Variants in CPED1 observed in about 807,000 individuals in gnomAD.
CPED1 encodes cadherin like and PC-esterase domain containing 1, also known as cadherin-like and PC-esterase domain-containing protein 1.
Under a neutral mutation model 128.2 loss-of-function variants are expected in CPED1, and 114 were observed. The ratio of observed to expected loss-of-function variants is 0.89; its 90% CI spans 0.76 to 1.04. The LOEUF (loss-of-function observed/expected upper bound fraction) is 1.04, where lower values mean the gene tolerates loss of function less well. Ranked by LOEUF, CPED1 falls within the 50% of genes least tolerant of loss-of-function variation. The pLI is 0.00. For missense variants in CPED1, 1,211 were observed against 1,207.1 expected (o/e 1.00, Z -0.05); for synonymous variants, 462 against 426.7 (o/e 1.08, Z -1.02).
chr7:121,045,629 GA>G (rs199549058), intron 3 of CPED1, among the ~76,000 whole-genome samples: 1,732 of 152,272 alleles, frequency 0.011, 26 homozygotes, highest in Middle Eastern at 0.034. Flanking sequence ...TAGCCTTTTA[GA>G]AGCTACTAGA....
At chr7:121,173,055 G>T (rs1286435511) in intron 16 of CPED1, among the ~76,000 whole-genome samples, 1 of 152,100 alleles carries the variant, frequency 6.6e-6, no homozygotes, top group African/African-American at 2.4e-5. Context: ...GACCATTTTT[G>T]TTGGGCAGCT....
chr7:121,190,432 G>C (rs1222355506), intron 16 of CPED1, among the ~76,000 whole-genome samples: 2 of 150,510 alleles, frequency 1.3e-5, no homozygotes, highest in African/African-American at 4.9e-5. Flanking sequence ...TATTGGACAG[G>C]GGTCAGGAGG....
intron 5 of CPED1, among the ~76,000 whole-genome samples, chr7:121,087,165 T>C (rs1794444074): frequency 6.6e-6 from 1 of 152,192 alleles, no homozygotes; most frequent in South Asian, 2.1e-4. Context: ...TAATATAGTT[T>C]TTTTTCTTTG....
At chr7:121,227,429 C>T (rs909312715) in intron 16 of CPED1, among the ~76,000 whole-genome samples, 5 of 152,030 alleles carry the variant, frequency 3.3e-5, no homozygotes, top group Non-Finnish European at 7.4e-5. Flanking sequence ...CAAAAACAGC[C>T]TTGGTGTGAC....
intron 22 of CPED1, 37 bp from the exon 23 acceptor site, chr7:121,295,403 G>A: frequency 6.3e-7 from 1 of 1,577,772 alleles, no homozygotes; most frequent in Non-Finnish European, 8.6e-7. Context: ...GGATATTCTT[G>A]ATTTTGCCTC....
intron 22 of CPED1, among the ~76,000 whole-genome samples, chr7:121,289,434 A>T (rs1338821590): frequency 2.6e-5 from 4 of 152,302 alleles, no homozygotes; most frequent in African/African-American, 9.6e-5. Context: ...TCCTCTACCA[A>T]AAGGTCACTA....
chr7:121,236,842 C>T lies in CPED1; in HGVS notation c.2173+11C>T, dbSNP rs1181237644. 3.7e-6 allele frequency: 5 copies of T among 1,338,404 alleles called. No individual in the cohort carries two copies. The allele number at this position is 1,338,404 out of a possible 1,614,324, so 82.9% of individuals were successfully genotyped here. On this transcript the variant is annotated intron_variant, in intron 17 of 22. Coordinates refer to ENST00000310396, the MANE Select transcript of CPED1 (RefSeq NM_024913.5). Reference sequence around the variant, plus strand: ...CTGGGGACATGAAAGGTGACTATCACATTGGATATCACTTCTCTAAAAAAA... The same window carrying T: ...CTGGGGACATGAAAGGTGACTATCATATTGGATATCACTTCTCTAAAAAAA...
At chr7:121,180,521 A>G (rs538749508) in intron 16 of CPED1, among the ~76,000 whole-genome samples, 5 of 152,106 alleles carry the variant, frequency 3.3e-5, no homozygotes, top group African/African-American at 1.2e-4. Context: ...ATTCATGACA[A>G]AATCTAGAAT....
At chr7:121,206,710 T>C (rs1394769806) in intron 16 of CPED1, among the ~76,000 whole-genome samples, 3 of 151,970 alleles carry the variant, frequency 2.0e-5, no homozygotes, top group Non-Finnish European at 4.4e-5. Flanking sequence ...TCTAGATCAG[T>C]ACATACTAAT....
chr7:121,261,571 G>A (rs1460748962), intron 18 of CPED1: 2 of 1,571,466 alleles, frequency 1.3e-6, no homozygotes, highest in African/African-American at 1.4e-5. Context: ...CAGGAATGAT[G>A]TGACCAGCTT....
chr7:121,126,289 T>G (rs1795502430), intron 9 of CPED1, among the ~76,000 whole-genome samples: 1 of 152,278 alleles, frequency 6.6e-6, no homozygotes, highest in African/African-American at 2.4e-5. Flanking sequence ...TAAAATTGGT[T>G]TATATTTAGT....
chr7:121,266,348 G>A lies in CPED1; in HGVS notation c.2432G>A (p.Gly811Asp). 1 of 1,613,114 alleles carries A rather than the reference G, an allele frequency of 6.2e-7. No individual in the cohort carries two copies. The highest frequency in any genetic ancestry group is 8.5e-7 in the Non-Finnish European group (1 of 1,179,352). ...ACTAAATTCTATCACAACGTCAATG[G>A]TGGGAAGACTTTGATCAGTTATTCC... ...HGTKFYHNVN[G>D]GKTLISYSYY... Residue 811 changes from glycine (G) to aspartate (D), a missense_variant, in exon 19 of 23, where the codon GGT becomes GAT. Coordinates refer to ENST00000310396, the MANE Select transcript of CPED1 (RefSeq NM_024913.5).
chr7:121,294,806 C>CAAAAAAAAA (rs752742828), intron 22 of CPED1, among the ~76,000 whole-genome samples: 1 of 61,414 alleles, frequency 1.6e-5, no homozygotes, highest in East Asian at 4.6e-4. Context: ...GCCTTCTAAG[C>CAAAAAAAAA]AAAAAAAAAA....
chr7:121,109,070 G>A (rs1795047239), intron 7 of CPED1, among the ~76,000 whole-genome samples: 2 of 152,018 alleles, frequency 1.3e-5, no homozygotes, highest in African/African-American at 4.8e-5. Context: ...TACAACCTGA[G>A]CCTCAAATCT....
intron 3 of CPED1, among the ~76,000 whole-genome samples, chr7:121,020,299 T>C (rs1357691050): frequency 6.6e-6 from 1 of 152,012 alleles, no homozygotes. Flanking sequence ...GCTGGCAAAC[T>C]ATAGTCCACT....
intron 16 of CPED1, among the ~76,000 whole-genome samples, chr7:121,192,096 T>C (rs908080011): frequency 1.3e-5 from 2 of 152,104 alleles, no homozygotes; most frequent in Non-Finnish European, 2.9e-5. Context: ...GCTTTGCCAT[T>C]ATATTTGAAT....
intron 16 of CPED1, among the ~76,000 whole-genome samples, chr7:121,225,224 C>T (rs1292849385): frequency 6.6e-6 from 1 of 152,126 alleles, no homozygotes; most frequent in Non-Finnish European, 1.5e-5. Context: ...ATTTCTCCTT[C>T]ACTTATGAAG....
chr7:121,154,743 A>G (rs1796245412), intron 16 of CPED1, among the ~76,000 whole-genome samples: 2 of 151,966 alleles, frequency 1.3e-5, no homozygotes, highest in East Asian at 1.9e-4. Context: ...ACGGGGTTTC[A>G]CCATGTTGGC....
intron 16 of CPED1, among the ~76,000 whole-genome samples, chr7:121,224,558 G>T (rs1458744023): frequency 1.3e-5 from 2 of 152,058 alleles, no homozygotes; most frequent in Admixed American, 1.3e-4. Context: ...TGACAGTGGG[G>T]TATTAAAGTC....
Sources: allele counts gnomAD v4.1 joint callset (sites outside exome capture counted in the v4.1 genomes callset), GRCh38; gene constraint gnomAD v4.1.1; transcripts MANE v1.5; gene names NCBI Gene and HGNC (gene_info 2026-07-23, HGNC 2026-07-21).